The following FBXL17 variants were observed in gnomAD, a reference collection of about 807,000 sequenced individuals.
The protein encoded by FBXL17 is F-box/LRR-repeat protein 17.
A neutral mutation model predicts 66.2 loss-of-function variants in FBXL17; 22 were observed. That is an observed-to-expected ratio of 0.33 (90% confidence interval 0.24 to 0.47). The LOEUF is 0.47. FBXL17 is among the 20% of genes least tolerant of loss of function. The pLI is 1.00. For missense variants in FBXL17, 878 were observed against 948.2 expected (o/e 0.93, Z 0.97); for synonymous variants, 474 against 400.5 (o/e 1.18, Z -2.19).
At chr5:108,004,007 A>G (rs1036713849) in intron 7 of FBXL17, among the ~76,000 whole-genome samples, 1 of 152,200 alleles carries the variant, frequency 6.6e-6, no homozygotes, top group Non-Finnish European at 1.5e-5. Context: ...ATAAAAAGAA[A>G]CACATAGGAA....
At chr5:108,179,230 T>G (rs1051487367) in intron 6 of FBXL17, among the ~76,000 whole-genome samples, 1 of 151,762 alleles carries the variant, frequency 6.6e-6, no homozygotes, top group Non-Finnish European at 1.5e-5. Context: ...AATATCACCG[T>G]TTTTTATTGA....
At chr5:107,922,435 G>T (rs949919416) in intron 7 of FBXL17, among the ~76,000 whole-genome samples, 3 of 152,116 alleles carry the variant, frequency 2.0e-5, no homozygotes, top group Non-Finnish European at 4.4e-5. Context: ...CAATCCCAGT[G>T]GGTAATGGCC....
intron 7 of FBXL17, among the ~76,000 whole-genome samples, chr5:107,946,310 T>TATATATATATA (rs1751292520): frequency 8.4e-5 from 9 of 107,402 alleles, no homozygotes; most frequent in Admixed American, 9.7e-5. Context: ...TATATATATA[T>TATATATATATA]TAGTGACAGA....
chr5:108,002,249 C>G (rs288191), intron 7 of FBXL17, among the ~76,000 whole-genome samples: 21,274 of 144,710 alleles, frequency 0.15, 1,946 homozygotes, highest in East Asian at 0.31. Flanking sequence ...GTCTTGAACT[C>G]CTGACCTCAG....
chr5:108,174,085 C>A (rs1262641618), intron 6 of FBXL17, among the ~76,000 whole-genome samples: 1 of 152,130 alleles, frequency 6.6e-6, no homozygotes, highest in Non-Finnish European at 1.5e-5. Flanking sequence ...TGGAGGCTAG[C>A]TATTTCTCAC....
Position 108,381,320 on chromosome 5 carries a change from G to C in FBXL17, c.372C>G (p.Ala124=). Residue 124 remains alanine, a synonymous_variant, in exon 1 of 9, where the codon GCC becomes GCG. Transcript: ENST00000542267. ...AAARRFLLSS[A]AAAAAAAASA... ...AGGCGGCAGCGGCGGCGGCGGCGGC[G>C]GCCGAGGATAGCAGGAAGCGGCGGG... 1 of 1,391,574 alleles carries C rather than the reference G, an allele frequency of 7.2e-7. No individual in the cohort carries two copies. Among genetic ancestry groups the C allele is most frequent in the Non-Finnish European group, 9.3e-7 (1 of 1,077,800 alleles). The allele number at this position is 1,391,574 out of a possible 1,614,324, so 86.2% of individuals were successfully genotyped here.
chr5:108,274,002 A>G (rs898690731), intron 4 of FBXL17, among the ~76,000 whole-genome samples: 20 of 152,216 alleles, frequency 1.3e-4, no homozygotes, highest in African/African-American at 4.8e-4. Flanking sequence ...AAATGATAAA[A>G]AAGTGATTCA....
intron 6 of FBXL17, among the ~76,000 whole-genome samples, chr5:108,139,065 T>A (rs903580944): frequency 3.9e-5 from 6 of 152,182 alleles, no homozygotes; most frequent in African/African-American, 1.4e-4. Flanking sequence ...TCAGATGAAA[T>A]GATCTAACTG....
Position 108,217,668 on chromosome 5 carries a change from T to C in FBXL17, c.1614+6453A>G, listed in dbSNP as rs1430802310. Among the ~76,000 whole-genome samples, 9 of 140,604 alleles carry C rather than the reference T, an allele frequency of 6.4e-5. No individual in the cohort carries two copies. The South Asian group carries it at 2.1e-3, about 33-fold the overall frequency. The allele number at this position is 140,604 out of a possible 152,430, so 92.2% of individuals were successfully genotyped here. On this transcript the variant is annotated intron_variant, in intron 5 of 8. Transcript: ENST00000542267. ...TATGTACTATATGTACTATGTACTATATGTACTACAGTCTATAGTCTATAG... is the reference window on the plus strand; with the variant it reads ...TATGTACTATATGTACTATGTACTACATGTACTACAGTCTATAGTCTATAG...
chr5:108,092,136 T>G (rs1464471510), intron 6 of FBXL17, among the ~76,000 whole-genome samples: 2 of 152,206 alleles, frequency 1.3e-5, no homozygotes, highest in African/African-American at 4.8e-5. Flanking sequence ...GTGTCATTGT[T>G]GTAATTAAAG....
intron 6 of FBXL17, among the ~76,000 whole-genome samples, chr5:108,025,332 T>G (rs1754760330): frequency 6.6e-6 from 1 of 152,164 alleles, no homozygotes; most frequent in Admixed American, 6.5e-5. Flanking sequence ...CTAAATAAAC[T>G]TTAGGATGTT....
rs953637521 is a variant in FBXL17, at chr5:107,859,708, A to G, written c.*2012T>C. The G allele has an allele frequency of 2.0e-5, 3 of 152,126 alleles. No individual in the cohort carries two copies. Among genetic ancestry groups the G allele is most frequent in the African/African-American group, 7.2e-5 (3 of 41,444 alleles). 9.4% of individuals were successfully genotyped at this position (152,126 alleles called of 1,614,324 possible). A position where few individuals can be genotyped will look rare whatever the true frequency, so the allele number is the denominator to read the frequency against. On this transcript the variant is annotated 3_prime_UTR_variant, in exon 9 of 9. Coordinates refer to ENST00000542267, the MANE Select transcript of FBXL17 (RefSeq NM_001163315.3). ...TACAACTTTGAACTGAAATGGTACC[A>G]TCTATATCATAGATGGCTCTCCCTT...
intron 7 of FBXL17, among the ~76,000 whole-genome samples, chr5:107,985,612 A>C (rs1752985551): frequency 6.6e-6 from 1 of 152,128 alleles, no homozygotes. Context: ...TACTTTGATC[A>C]TCTTATCAGG....
chr5:107,939,335 C>T (rs1751016281), intron 7 of FBXL17, among the ~76,000 whole-genome samples: 1 of 152,062 alleles, frequency 6.6e-6, no homozygotes, highest in Admixed American at 6.6e-5. Context: ...CTTGACAATC[C>T]TCGTGCTTCT....
chr5:107,862,400 T>C (rs893388690), intron 8 of FBXL17, among the ~76,000 whole-genome samples: 4 of 152,126 alleles, frequency 2.6e-5, no homozygotes, highest in Non-Finnish European at 5.9e-5. Context: ...AAAACATACA[T>C]GGCTGGCAGG....
chr5:107,966,103 TA>T (rs1561343053), intron 7 of FBXL17, among the ~76,000 whole-genome samples: 1 of 152,140 alleles, frequency 6.6e-6, no homozygotes, highest in African/African-American at 2.4e-5. Flanking sequence ...TAAACAATAA[TA>T]AAAAGCCTGT....
chr5:108,014,669 G>A (rs1754311342), intron 7 of FBXL17, among the ~76,000 whole-genome samples: 1 of 152,166 alleles, frequency 6.6e-6, no homozygotes, highest in Admixed American at 6.5e-5. Context: ...GAGCAAAGGA[G>A]AAAGGAGAAA....
chr5:108,241,395 G>A (rs1361703967), intron 4 of FBXL17, among the ~76,000 whole-genome samples: 1 of 152,030 alleles, frequency 6.6e-6, no homozygotes, highest in African/African-American at 2.4e-5. Context: ...TAACAGAATT[G>A]ATCAAGCAGA....
chr5:107,883,050 G>A (rs1229423305), intron 7 of FBXL17, among the ~76,000 whole-genome samples: 1 of 152,188 alleles, frequency 6.6e-6, no homozygotes. Flanking sequence ...AAGTTAGAAT[G>A]AAACTTTTTT....
Sources: allele counts gnomAD v4.1 joint callset (sites outside exome capture counted in the v4.1 genomes callset), GRCh38; gene constraint gnomAD v4.1.1; transcripts MANE v1.5; gene names NCBI Gene and HGNC (gene_info 2026-07-23, HGNC 2026-07-21).